Variants in NAALADL2 observed in about 807,000 individuals in gnomAD.
NAALADL2 encodes the protein N-acetylated alpha-linked acidic dipeptidase like 2, also known as inactive N-acetylated-alpha-linked acidic dipeptidase-like protein 2.
Under a neutral mutation model 87.2 loss-of-function variants are expected in NAALADL2, and 76 were observed. The observed-to-expected ratio is 0.87, with a 90% CI of 0.72 to 1.05. The LOEUF (loss-of-function observed/expected upper bound fraction) is 1.05, where lower values mean the gene tolerates loss of function less well. NAALADL2 is among the 50% of genes least tolerant of loss of function. The pLI is 0.00. For synonymous variants in NAALADL2, 354 were observed against 331.0 expected (o/e 1.07, Z -0.75); for missense variants, 1,089 against 945.8 (o/e 1.15, Z -1.99).
At chr3:175,617,849 G>A (rs1326234181) in intron 10 of NAALADL2, among the ~76,000 whole-genome samples, 1 of 152,132 alleles carries the variant, frequency 6.6e-6, no homozygotes, top group Admixed American at 6.5e-5. Flanking sequence ...GGTCTGTTGT[G>A]GATAGTTTGG....
chr3:174,765,139 C>CGAG (rs760807858), intron 3 of NAALADL2, among the ~76,000 whole-genome samples: 3,525 of 124,262 alleles, frequency 0.028, 67 homozygotes, highest in African/African-American at 0.052. Flanking sequence ...CACACACACA[C>CGAG]ACACGAGAGA....
At position 174,487,695 on chromosome 3, in the gene NAALADL2, GT is replaced by G. The variant is rs11437802; in HGVS notation, c.-184+46677del. ...AGTTTAGAAAGCATGGAGTAAGAGT[GT>G]TTTTTTTTTTTTTAACAATAGTAAG... On this transcript the variant is annotated intron_variant, in intron 1 of 3. Coordinates refer to the NAALADL2 transcript ENST00000434257. Among the ~76,000 whole-genome samples the G allele has an allele frequency of 5.8e-3, 828 of 141,784 alleles. 2 individuals are homozygous for G. Among genetic ancestry groups the G allele is most frequent in the African/African-American group, 0.014 (537 of 39,096 alleles). The allele number at this position is 141,784 out of a possible 152,430, so 93.0% of individuals were successfully genotyped here.
chr3:174,699,849 T>C (rs1046315425), intron 2 of NAALADL2, among the ~76,000 whole-genome samples: 2 of 151,602 alleles, frequency 1.3e-5, no homozygotes, highest in Non-Finnish European at 2.9e-5. Flanking sequence ...TTTTTTTTTT[T>C]TTTTGAGAAG....
chr3:175,319,056 G>T (rs1036773552), intron 4 of NAALADL2, among the ~76,000 whole-genome samples: 1 of 152,132 alleles, frequency 6.6e-6, no homozygotes, highest in Non-Finnish European at 1.5e-5. Flanking sequence ...AGCTATTTCT[G>T]CATGTAAACA....
intron 2 of NAALADL2, among the ~76,000 whole-genome samples, chr3:174,677,249 A>T (rs1252431729): frequency 6.6e-6 from 1 of 151,842 alleles, no homozygotes; most frequent in South Asian, 2.1e-4. Context: ...CATATTTTTT[A>T]GTTTTGCACA....
chr3:175,777,837 A>G (rs1484408636), intron 13 of NAALADL2, among the ~76,000 whole-genome samples: 1 of 152,184 alleles, frequency 6.6e-6, no homozygotes, highest in Non-Finnish European at 1.5e-5. Flanking sequence ...TCCAAGTCAG[A>G]AAATGTAGAA....
intron 6 of NAALADL2, among the ~76,000 whole-genome samples, chr3:175,455,605 T>A (rs950358180): frequency 2.0e-5 from 3 of 152,146 alleles, no homozygotes; most frequent in Non-Finnish European, 4.4e-5. Context: ...CAAGCTCACA[T>A]GAATACTTGC....
chr3:175,311,139 C>T (rs773039637), intron 4 of NAALADL2, among the ~76,000 whole-genome samples: 4 of 151,760 alleles, frequency 2.6e-5, no homozygotes, highest in Admixed American at 6.6e-5. Context: ...TTCAGTTCCT[C>T]GGATACTTCT....
intron 3 of NAALADL2, among the ~76,000 whole-genome samples, chr3:174,846,286 GTCATT>G (rs549205764): frequency 1.1e-4 from 17 of 152,302 alleles, no homozygotes; most frequent in Admixed American, 2.0e-4. Context: ...GAGGTATTTT[GTCATT>G]TCCGTGTTGC....
At chr3:175,010,971 A>G (rs576795371) in intron 1 of NAALADL2, among the ~76,000 whole-genome samples, 3 of 152,338 alleles carry the variant, frequency 2.0e-5, no homozygotes, top group Admixed American at 2.0e-4. Context: ...AAAGTAATAA[A>G]GAGATTACCA....
chr3:174,743,601 G>T (rs1733964190), intron 3 of NAALADL2, among the ~76,000 whole-genome samples: 2 of 151,562 alleles, frequency 1.3e-5, no homozygotes, highest in Admixed American at 1.3e-4. Flanking sequence ...AAGATGTATT[G>T]AACTCTTTTA....
intron 2 of NAALADL2, among the ~76,000 whole-genome samples, chr3:174,668,464 A>G (rs1726188015): frequency 6.6e-6 from 1 of 152,158 alleles, no homozygotes; most frequent in Non-Finnish European, 1.5e-5. Context: ...GTACATGTGC[A>G]CAACGTGCAG....
At chr3:175,504,537 T>G (rs1273896082) in intron 9 of NAALADL2, among the ~76,000 whole-genome samples, 6 of 151,474 alleles carry the variant, frequency 4.0e-5, no homozygotes, top group Non-Finnish European at 8.8e-5. Flanking sequence ...GAAAGTTTTC[T>G]CTCTTCTTTC....
chr3:175,342,417 T>C (rs1258151949), intron 5 of NAALADL2, among the ~76,000 whole-genome samples: 1 of 152,070 alleles, frequency 6.6e-6, no homozygotes, highest in Non-Finnish European at 1.5e-5. Flanking sequence ...TTTTAACCGA[T>C]AGGTAGTGAG....
At chr3:174,466,660 C>A (rs2108301323) in intron 1 of NAALADL2, among the ~76,000 whole-genome samples, 1 of 152,184 alleles carries the variant, frequency 6.6e-6, no homozygotes, top group East Asian at 1.9e-4. Flanking sequence ...CTGTGACAAC[C>A]CTAATTAGGA....
intron 1 of NAALADL2, among the ~76,000 whole-genome samples, chr3:175,061,728 A>AATATATATATATATATATATATAT (rs149495848): frequency 3.4e-4 from 48 of 141,544 alleles, no homozygotes; most frequent in Non-Finnish European, 5.5e-4. Flanking sequence ...CACTTGCACA[A>AATATATATATATATATATATATAT]ATATATATAT....
chr3:175,699,391 C>T (rs1185564155), intron 11 of NAALADL2, among the ~76,000 whole-genome samples: 1 of 151,922 alleles, frequency 6.6e-6, no homozygotes, highest in Non-Finnish European at 1.5e-5. Context: ...CTTGAGTAGT[C>T]CTCTGTCTTA....
chr3:174,477,938 A>C (rs1717310149), intron 1 of NAALADL2, among the ~76,000 whole-genome samples: 2 of 152,196 alleles, frequency 1.3e-5, no homozygotes, highest in Admixed American at 1.3e-4. Flanking sequence ...AAGTTGTTTC[A>C]TAGATTAATG....
At chr3:174,893,600 TTTGA>T (rs1193262970) in intron 1 of NAALADL2, among the ~76,000 whole-genome samples, 1 of 152,208 alleles carries the variant, frequency 6.6e-6, no homozygotes, top group Non-Finnish European at 1.5e-5. Context: ...TTTGTGCTTA[TTTGA>T]TTGATTATTG....
Sources: gnomAD v4.1 joint callset for allele counts (sites outside exome capture counted in the v4.1 genomes callset) on GRCh38, gnomAD v4.1.1 for gene constraint, MANE v1.5 for transcripts, NCBI Gene and HGNC (gene_info 2026-07-23, HGNC 2026-07-21) for gene names.